Variants in ARPP19 observed in about 807,000 individuals in gnomAD.
ARPP19 encodes the protein cAMP-regulated phosphoprotein 19.
ARPP19 carries 8 observed loss-of-function variants against 12.0 expected under a neutral mutation model. The observed-to-expected ratio is 0.67, with a 90% CI of 0.39 to 1.21. ARPP19 has a LOEUF of 1.21. Ranked by LOEUF, ARPP19 falls within the 50% of genes most tolerant of loss-of-function variation. The probability of loss-of-function intolerance (pLI) is 0.01; values close to 1 mark genes in which losing one functional copy is unlikely to be tolerated. For missense variants in ARPP19, 102 were observed against 136.3 expected (o/e 0.75, Z 1.25); for synonymous variants, 47 against 50.4 (o/e 0.93, Z 0.29).
intron 1 of ARPP19, among the ~76,000 whole-genome samples, chr15:52,565,456 G>C (rs1375345526): frequency 1.3e-5 from 2 of 152,208 alleles, no homozygotes; most frequent in Non-Finnish European, 1.5e-5. Flanking sequence ...CACTTCAGTG[G>C]TTATCTCAAA....
chr15:52,560,552 G>C (rs551276746), intron 1 of ARPP19, among the ~76,000 whole-genome samples: 1 of 152,262 alleles, frequency 6.6e-6, no homozygotes, highest in Non-Finnish European at 1.5e-5. Context: ...TTAACAGGGG[G>C]GAAAAGATGA....
chr15:52,557,554 T>G, intron 1 of ARPP19: 1 of 189,310 alleles, frequency 5.3e-6, no homozygotes, highest in Non-Finnish European at 1.1e-5. Context: ...AACTCTTCAG[T>G]TCTTTGCCTA....
At chr15:52,552,991 C>T (rs117294977) in intron 2 of ARPP19, among the ~76,000 whole-genome samples, 4,140 of 152,142 alleles carry the variant, frequency 0.027, 76 homozygotes, top group Non-Finnish European at 0.043. Flanking sequence ...ACAAGAGAAT[C>T]GCTTGAACCC....
In ARPP19 at chr15:52,556,471, GA is replaced by G. The variant is rs1490140739; in HGVS notation, c.168+628del. On this transcript the variant is annotated intron_variant, in intron 2 of 2. Transcript: ENST00000249822. Reference sequence around the variant, plus strand: ...ACCTCGCAAAACATGGCAAGAATTTGAAAATAATATCTTCAGTAATTTGAAC... The same window carrying G: ...ACCTCGCAAAACATGGCAAGAATTTGAAATAATATCTTCAGTAATTTGAAC... Among the ~76,000 whole-genome samples the G allele has an allele frequency of 3.3e-5, 5 of 152,202 alleles. No homozygotes were observed. The South Asian group carries it at 6.2e-4, about 19-fold the overall frequency.
intron 1 of ARPP19, among the ~76,000 whole-genome samples, chr15:52,563,379 G>A (rs1158021985): frequency 2.0e-5 from 3 of 152,034 alleles, no homozygotes; most frequent in Admixed American, 1.3e-4. Flanking sequence ...AGGAACCCCA[G>A]GATATGGTAA....
At chr15:52,556,214 A>G (rs2049518) in intron 2 of ARPP19, among the ~76,000 whole-genome samples, 15,546 of 152,144 alleles carry the variant, frequency 0.1, 873 homozygotes, top group Middle Eastern at 0.17. Flanking sequence ...CAAGGAGCCG[A>G]TATCAGTATA....
chr15:52,563,227 T>C (rs1443132713), intron 1 of ARPP19, among the ~76,000 whole-genome samples: 1 of 152,182 alleles, frequency 6.6e-6, no homozygotes, highest in Non-Finnish European at 1.5e-5. Context: ...GAAGCCTTTG[T>C]GTTACACAGC....
intron 1 of ARPP19, among the ~76,000 whole-genome samples, chr15:52,568,102 T>TTCCC (rs1174284806): frequency 6.6e-6 from 1 of 152,268 alleles, no homozygotes; most frequent in Non-Finnish European, 1.5e-5. Context: ...TCCCGGCCTA[T>TTCCC]TCCCCTACAT....
chr15:52,558,833 C>A (rs3794556), intron 1 of ARPP19, among the ~76,000 whole-genome samples: 2 of 150,330 alleles, frequency 1.3e-5, no homozygotes, highest in African/African-American at 4.9e-5. Context: ...CCTTTGTACC[C>A]ACGGGGGGGA....
intron 1 of ARPP19, chr15:52,568,202 T>C (rs2078103891): frequency 6.6e-6 from 1 of 152,266 alleles, no homozygotes; most frequent in South Asian, 2.1e-4. Context: ...TTCCACCCTT[T>C]CGATTTTTAG....
intron 2 of ARPP19, among the ~76,000 whole-genome samples, chr15:52,553,041 C>T (rs1185216590): frequency 1.3e-5 from 2 of 152,072 alleles, no homozygotes; most frequent in Non-Finnish European, 2.9e-5. Context: ...TGTGCCACTG[C>T]ACTCCAGCCT....
At position 52,547,493 on chromosome 15, in the gene ARPP19, G is replaced by T. The variant is rs762932646; in HGVS notation, c.*4441C>A. ...ATTAAATATGTTTTTTTCCAACTGC[G>T]ATTTAGTTGAAAAATAACATAATAC... is the stretch of plus-strand genomic sequence containing the variant. On this transcript the variant is annotated 3_prime_UTR_variant, in exon 3 of 3. Coordinates refer to ENST00000249822, the MANE Select transcript of ARPP19 (RefSeq NM_006628.6). 6.6e-6 allele frequency: 1 copy of T among 152,130 alleles called. No homozygotes were observed. Among genetic ancestry groups the T allele is most frequent in the Non-Finnish European group, 1.5e-5 (1 of 68,026 alleles). The allele number at this position is 152,130 out of a possible 1,614,324, so 9.4% of individuals were successfully genotyped here. A position where few individuals can be genotyped will look rare whatever the true frequency, so the allele number is the denominator to read the frequency against.
chr15:52,552,660 T>C (rs895456888), intron 2 of ARPP19, among the ~76,000 whole-genome samples: 1 of 146,360 alleles, frequency 6.8e-6, no homozygotes, highest in Non-Finnish European at 1.5e-5. Flanking sequence ...TAAAGAACCA[T>C]CAAGACTAAT....
intron 1 of ARPP19, among the ~76,000 whole-genome samples, chr15:52,567,049 G>A (rs1595869461): frequency 1.3e-5 from 2 of 152,136 alleles, no homozygotes; most frequent in Non-Finnish European, 2.9e-5. Flanking sequence ...TTAGGTCATC[G>A]AACTGATCTT....
rs2077905237 is a variant in ARPP19 at position 52,549,056 on chromosome 15, C to G, written c.*2878G>C. The G allele has an allele frequency of 6.6e-6, 1 of 152,302 alleles. No individual in the cohort carries two copies. The highest frequency in any genetic ancestry group is 1.5e-5 in the Non-Finnish European group (1 of 68,040). 9.4% of individuals were successfully genotyped at this position (152,302 alleles called of 1,614,324 possible). On this transcript the variant is annotated 3_prime_UTR_variant, in exon 3 of 3. Transcript: ENST00000249822. Reference sequence around the variant, plus strand: ...CTTACTATTCCAACTTGCTGAGAACCATGTCAGATGCTGCGTTCAAGAATG... The same window carrying G: ...CTTACTATTCCAACTTGCTGAGAACGATGTCAGATGCTGCGTTCAAGAATG...
intron 1 of ARPP19, among the ~76,000 whole-genome samples, chr15:52,561,694 G>C (rs1021638105): frequency 1.3e-5 from 2 of 151,096 alleles, no homozygotes; most frequent in Non-Finnish European, 3.0e-5. Context: ...CCAAACATAA[G>C]GAGAAACAAA....
At position 52,557,183 on chromosome 15, in the gene ARPP19, C is replaced by T; in HGVS notation, c.85G>A (p.Glu29Lys). 6.2e-7 allele frequency: 1 copy of T among 1,610,936 alleles called. No individual in the cohort carries two copies. Among genetic ancestry groups the T allele is most frequent in the Non-Finnish European group, 8.5e-7 (1 of 1,177,644 alleles). ...GGATATCTTGCTTTTAATTTTGCTTCTTCTGCTTTCTCTGGACTAGTCACT... is the reference window on the plus strand; with the variant it reads ...GGATATCTTGCTTTTAATTTTGCTTTTTCTGCTTTCTCTGGACTAGTCACT... ...DKVTSPEKAEEAKLKARYPHL... is the reference protein window; with the variant it reads ...DKVTSPEKAEKAKLKARYPHL... Residue 29 changes from glutamate to lysine, a missense_variant, in exon 2 of 3, where the codon GAA becomes AAA. By Grantham distance (56) the Glu-to-Lys change is moderately conservative. Transcript: ENST00000249822.
In ARPP19 at chr15:52,568,983, G is replaced by A. The variant is rs2078115802; in HGVS notation, c.-91C>T. 2.2e-6 allele frequency: 2 copies of A among 922,028 alleles called. No homozygotes were observed. The highest frequency in any genetic ancestry group is 1.6e-6 in the Non-Finnish European group (1 of 619,492). The allele number at this position is 922,028 out of a possible 1,614,324, so 57.1% of individuals were successfully genotyped here. ...CCGCCGCCCGTCCCAGCTCTCCCAG[G>A]GCCCGCCGGGCCGCCTCCGCCCGCG... On this transcript the variant is annotated 5_prime_UTR_variant, in exon 1 of 3. Transcript: ENST00000249822.
chr15:52,565,263 G>A (rs776234537), intron 1 of ARPP19, among the ~76,000 whole-genome samples: 3 of 151,918 alleles, frequency 2.0e-5, no homozygotes, highest in Non-Finnish European at 2.9e-5. Context: ...GGCCTCAAGC[G>A]ATCTTCCCAC....
Sources: allele counts gnomAD v4.1 joint callset (sites outside exome capture counted in the v4.1 genomes callset), GRCh38; gene constraint gnomAD v4.1.1; transcripts MANE v1.5; gene names NCBI Gene and HGNC (gene_info 2026-07-23, HGNC 2026-07-21).